KRTAP10-7: variants seen among roughly 807,000 people sequenced by gnomAD.
The protein encoded by KRTAP10-7 is keratin-associated protein 10-7.
For missense variants in KRTAP10-7, 394 were observed against 474.3 expected (o/e 0.83, Z 1.57); for synonymous variants, 162 against 199.6 (o/e 0.81, Z 1.59).
In KRTAP10-7 at chr21:44,600,739, A is replaced by AGCT. The variant is rs1183697381; in HGVS notation, c.124_126dup (p.Cys42dup). On this transcript the variant is annotated inframe_insertion, in exon 1 of 1. Transcript: ENST00000609664. ...CTGGCAGGTGGACGACTGCCCAGAG[A>AGCT]GCTGCTGCGAGCCCCCCTGCTGCGC... is the stretch of plus-strand genomic sequence containing the variant. 2 of 1,610,796 alleles carry AGCT rather than the reference A, an allele frequency of 1.2e-6. No homozygotes were observed. Among genetic ancestry groups the AGCT allele is most frequent in the African/African-American group, 2.7e-5 (2 of 72,884 alleles).
In KRTAP10-7 at chr21:44,601,356, T is replaced by G. The variant is rs1354349678; in HGVS notation, c.735T>G (p.Asp245Glu). The G allele has an allele frequency of 2.5e-6, 4 of 1,610,216 alleles. No individual in the cohort carries two copies. The Admixed American group carries it at 5.0e-5, about 20-fold the overall frequency. ...KPVCCVPTCS[D>E]DSGSCCQPAC... ...TCTGCTGTGTGCCCACCTGCTCTGA[T>G]GATTCCGGTTCATGCTGCCAGCCAG... The change falls in exon 1 of 1, where the codon GAT becomes GAG. Residue 245 changes from aspartate (D) to glutamate (E), a missense_variant. Asp to Glu is a conservative substitution (Grantham distance 45, BLOSUM62 2). Transcript: ENST00000609664.
rs374320547 is a variant in KRTAP10-7, at chr21:44,601,234, A to G, written c.613A>G (p.Thr205Ala). ...PCQSGCISSC[T>A]PSCCQQSSCK... The stretch of plus-strand genomic sequence containing the variant: ...CCAATCAGGCTGCATCAGCTCCTGC[A>G]CGCCCTCGTGCTGCCAGCAGTCTAG... The change falls in exon 1 of 1, where the codon ACG becomes GCG. Residue 205 changes from threonine (T) to alanine (A), a missense_variant. Physicochemically the swap from Thr to Ala is moderately conservative, Grantham distance 58. Transcript: ENST00000609664. The G allele has an allele frequency of 7.5e-6, 12 of 1,595,548 alleles. No homozygotes were observed. The African/African-American group carries it at 1.6e-4, about 21-fold the overall frequency.
At position 44,600,897 on chromosome 21, in the gene KRTAP10-7, G is replaced by A. The variant is rs1555928487; in HGVS notation, c.276G>A (p.Gln92=). Residue 92 remains glutamine (Q), a synonymous_variant, in exon 1 of 1, where the codon CAG becomes CAA. Coordinates refer to ENST00000609664, the MANE Select transcript of KRTAP10-7 (RefSeq NM_198689.3). The part of the protein sequence containing the change: ...TSSCTPSCCQ[Q]SSCQLACCAS... The stretch of plus-strand genomic sequence containing the variant: ...CCTGCACGCCCTCGTGCTGCCAGCA[G>A]TCTAGCTGCCAGCTGGCTTGCTGTG... The A allele has an allele frequency of 6.2e-7, 1 of 1,612,138 alleles. No individual in the cohort carries two copies. The highest frequency in any genetic ancestry group is 8.5e-7 in the Non-Finnish European group (1 of 1,179,908).
In KRTAP10-7 at chr21:44,601,319, G is replaced by T; in HGVS notation, c.698G>T (p.Cys233Phe). The part of the protein sequence containing the change: ...PCQQACCVPV[C>F]CKPVCCVPTC... ...CAGCAGGCCTGCTGTGTGCCTGTCT[G>T]CTGCAAGCCCGTCTGCTGTGTGCCC... The change falls in exon 1 of 1, where the codon TGC becomes TTC. Residue 233 changes from cysteine to phenylalanine, a missense_variant. Coordinates refer to ENST00000609664, the MANE Select transcript of KRTAP10-7 (RefSeq NM_198689.3). The T allele has an allele frequency of 6.2e-7, 1 of 1,611,198 alleles. No homozygotes were observed. The highest frequency in any genetic ancestry group is 1.1e-5 in the South Asian group (1 of 90,772).
rs782068754 is a variant in KRTAP10-7 at position 44,601,498 on chromosome 21, T to C, written c.877T>C (p.Cys293Arg). 7.0e-5 allele frequency: 113 copies of C among 1,612,720 alleles called. No homozygotes were observed. Among genetic ancestry groups the C allele is most frequent in the Non-Finnish European group, 7.0e-5 (83 of 1,179,496 alleles). The change falls in exon 1 of 1, where the codon TGC becomes CGC. Residue 293 changes from cysteine to arginine, a missense_variant. By Grantham distance (180) the Cys-to-Arg change is radical. Transcript: ENST00000609664. ...ASTSCCQQSS[C>R]QPACCTTSCC... ...CACTTCATGCTGCCAGCAGTCTAGCTGCCAGCCGGCTTGCTGCACCACCTC... is the reference window on the plus strand; with the variant it reads ...CACTTCATGCTGCCAGCAGTCTAGCCGCCAGCCGGCTTGCTGCACCACCTC...
chr21:44,601,630 G>A lies in KRTAP10-7; in HGVS notation c.1009G>A (p.Ala337Thr), dbSNP rs782266609. 1.2e-6 allele frequency: 2 copies of A among 1,613,394 alleles called. No homozygotes were observed. The highest frequency in any genetic ancestry group is 8.5e-7 in the Non-Finnish European group (1 of 1,179,670). Residue 337 changes from alanine to threonine, a missense_variant, in exon 1 of 1, where the codon GCC becomes ACC. Ala to Thr is a moderately conservative substitution (Grantham distance 58, BLOSUM62 0). Coordinates refer to ENST00000609664, the MANE Select transcript of KRTAP10-7 (RefSeq NM_198689.3). ...SCCAPTSSCQ[A>T]SCCRPASCVS... The stretch of plus-strand genomic sequence containing the variant: ...CTGCGCCCCCACCTCCTCCTGCCAG[G>A]CCAGCTGCTGCCGCCCAGCCTCCTG...
At position 44,601,237 on chromosome 21, in the gene KRTAP10-7, C is replaced by T; in HGVS notation, c.616C>T (p.Pro206Ser). The part of the protein sequence containing the change: ...CQSGCISSCT[P>S]SCCQQSSCKP... ...ATCAGGCTGCATCAGCTCCTGCACGCCCTCGTGCTGCCAGCAGTCTAGCTG... is the reference window on the plus strand; with the variant it reads ...ATCAGGCTGCATCAGCTCCTGCACGTCCTCGTGCTGCCAGCAGTCTAGCTG... The change falls in exon 1 of 1, where the codon CCC becomes TCC. Residue 206 changes from proline (P) to serine (S), a missense_variant. By Grantham distance (74) the Pro-to-Ser change is moderately conservative. Transcript: ENST00000609664. 1 of 1,601,404 alleles carries T rather than the reference C, an allele frequency of 6.2e-7. No homozygotes were observed. The highest frequency in any genetic ancestry group is 8.5e-7 in the Non-Finnish European group (1 of 1,177,020).
chr21:44,600,650 C>G lies in KRTAP10-7; in HGVS notation c.29C>G (p.Ser10Cys), dbSNP rs1555928353. 1 of 1,613,632 alleles carries G rather than the reference C, an allele frequency of 6.2e-7. No homozygotes were observed. Among genetic ancestry groups the G allele is most frequent in the African/African-American group, 1.3e-5 (1 of 74,856 alleles). ...GCTGCGTCCACTATGTCTGTCTGCT[C>G]CAGCGACCTGAGCTACGGCAGCCGC... MAASTMSVCSSDLSYGSRVC... is the reference protein window; with the variant it reads MAASTMSVCCSDLSYGSRVC... Residue 10 changes from serine (S) to cysteine (C), a missense_variant, in exon 1 of 1, where the codon TCC (serine) becomes TGC (cysteine). Transcript: ENST00000609664.
rs372616312 is a variant in KRTAP10-7, at chr21:44,600,655, G to A, written c.34G>A (p.Asp12Asn). Residue 12 changes from aspartate to asparagine, a missense_variant, in exon 1 of 1, where the codon GAC becomes AAC. Physicochemically the swap from Asp to Asn is conservative, Grantham distance 23. Transcript: ENST00000609664. The part of the protein sequence containing the change: ...AASTMSVCSS[D>N]LSYGSRVCLP... The stretch of plus-strand genomic sequence containing the variant: ...GTCCACTATGTCTGTCTGCTCCAGC[G>A]ACCTGAGCTACGGCAGCCGCGTCTG... 3.3e-5 allele frequency: 53 copies of A among 1,613,616 alleles called. 1 individual carries two copies. The African/African-American group carries it at 5.1e-4, about 15-fold the overall frequency.
In KRTAP10-7 at chr21:44,602,151, A is replaced by G. The variant is rs1980983335; in HGVS notation, c.*417A>G. The G allele has an allele frequency of 3.9e-6, 1 of 254,548 alleles. No homozygotes were observed. The highest frequency in any genetic ancestry group is 9.4e-5 in the South Asian group (1 of 10,692). 15.8% of individuals were successfully genotyped at this position (254,548 alleles called of 1,614,324 possible). ...CCACGGGAGCAGGTCAGACCCTTCT[A>G]ATAAACTCCTTTCCTAAAAAGTACA... On this transcript the variant is annotated 3_prime_UTR_variant, in exon 1 of 1. Transcript: ENST00000609664.
rs2146150033 is a variant in KRTAP10-7, at chr21:44,601,453, C to A, written c.832C>A (p.Pro278Thr). The A allele has an allele frequency of 1.2e-6, 2 of 1,611,482 alleles. No individual in the cohort carries two copies. The highest frequency in any genetic ancestry group is 1.7e-6 in the Non-Finnish European group (2 of 1,178,986). The change falls in exon 1 of 1, where the codon CCC becomes ACC. Residue 278 changes from proline to threonine, a missense_variant. Physicochemically the swap from Pro to Thr is conservative, Grantham distance 38. Transcript: ENST00000609664. The part of the protein sequence containing the change: ...PVCCKPVCCV[P>T]VCSGASTSCC... ...CTGCTGTAAGCCTGTGTGCTGTGTGCCCGTCTGCTCTGGGGCTTCCACTTC... is the reference window on the plus strand; with the variant it reads ...CTGCTGTAAGCCTGTGTGCTGTGTGACCGTCTGCTCTGGGGCTTCCACTTC...
chr21:44,600,852 C>T lies in KRTAP10-7; in HGVS notation c.231C>T (p.Cys77=), dbSNP rs782489979. The change falls in exon 1 of 1, where the codon TGC becomes TGT. Residue 77 remains cysteine (C), a synonymous_variant. Coordinates refer to ENST00000609664, the MANE Select transcript of KRTAP10-7 (RefSeq NM_198689.3). ...CCRVTCEPSP[C]QSGCTSSCTP... Reference sequence around the variant, plus strand: ...GAGTGACCTGTGAGCCCAGCCCCTGCCAATCAGGCTGCACCAGCTCCTGCA... The same window carrying T: ...GAGTGACCTGTGAGCCCAGCCCCTGTCAATCAGGCTGCACCAGCTCCTGCA... The T allele has an allele frequency of 1.9e-5, 31 of 1,609,582 alleles. No individual in the cohort carries two copies. The highest frequency in any genetic ancestry group is 2.5e-5 in the Non-Finnish European group (30 of 1,179,724).
At position 44,601,660 on chromosome 21, in the gene KRTAP10-7, T is replaced by C. The variant is rs373591799; in HGVS notation, c.1039T>C (p.Ser347Pro). The change falls in exon 1 of 1, where the codon TCT becomes CCT. Residue 347 changes from serine to proline, a missense_variant. By Grantham distance (74) the Ser-to-Pro change is moderately conservative. Transcript: ENST00000609664. ...ASCCRPASCV[S>P]LLCRPACSRP... is the part of the protein sequence containing the mutation. ...CTGCTGCCGCCCAGCCTCCTGTGTG[T>C]CTCTCCTTTGCCGCCCCGCATGCTC... 9.6e-5 allele frequency: 155 copies of C among 1,612,896 alleles called. No individual in the cohort carries two copies. The highest frequency in any genetic ancestry group is 1.2e-4 in the Non-Finnish European group (138 of 1,179,390).
Position 44,601,095 on chromosome 21 carries a change from C to A in KRTAP10-7, c.474C>A (p.Pro158=). ...CCTGCCAGCAGGCCTGCTGTGTGCC[C>A]ATCTGCTGCAAGCCTGTCTGCTCTG... ...SSPCQQACCV[P]ICCKPVCSGI... The change falls in exon 1 of 1, where the codon CCC becomes CCA. Residue 158 remains proline, a synonymous_variant. Transcript: ENST00000609664. 6.2e-7 allele frequency: 1 copy of A among 1,602,698 alleles called. No homozygotes were observed. The highest frequency in any genetic ancestry group is 1.1e-5 in the South Asian group (1 of 90,592).
Position 44,602,138 on chromosome 21 carries a change from G to A in KRTAP10-7, c.*404G>A, listed in dbSNP as rs1601473457. On this transcript the variant is annotated 3_prime_UTR_variant, in exon 1 of 1. Coordinates refer to ENST00000609664, the MANE Select transcript of KRTAP10-7 (RefSeq NM_198689.3). ...CTGTCTTCCCTGACCACGGGAGCAGGTCAGACCCTTCTAATAAACTCCTTT... is the reference window on the plus strand; with the variant it reads ...CTGTCTTCCCTGACCACGGGAGCAGATCAGACCCTTCTAATAAACTCCTTT... 1.0e-5 allele frequency: 3 copies of A among 290,510 alleles called. No individual in the cohort carries two copies. In the East Asian group the frequency reaches 2.2e-4, roughly 21 times the overall value. 18.0% of individuals were successfully genotyped at this position (290,510 alleles called of 1,614,324 possible).
rs782497571 is a variant in KRTAP10-7 at position 44,601,100 on chromosome 21, G to A, written c.479G>A (p.Cys160Tyr). The change falls in exon 1 of 1, where the codon TGC becomes TAC. Residue 160 changes from cysteine to tyrosine, a missense_variant. Coordinates refer to ENST00000609664, the MANE Select transcript of KRTAP10-7 (RefSeq NM_198689.3). ...PCQQACCVPI[C>Y]CKPVCSGISS... ...CAGCAGGCCTGCTGTGTGCCCATCTGCTGCAAGCCTGTCTGCTCTGGGATT... is the reference window on the plus strand; with the variant it reads ...CAGCAGGCCTGCTGTGTGCCCATCTACTGCAAGCCTGTCTGCTCTGGGATT... The A allele has an allele frequency of 1.9e-6, 3 of 1,609,600 alleles. No homozygotes were observed. Among genetic ancestry groups the A allele is most frequent in the Non-Finnish European group, 2.5e-6 (3 of 1,179,382 alleles).
rs781902511 is a variant in KRTAP10-7, at chr21:44,600,685, C to A, written c.64C>A (p.Pro22Thr). 36 of 1,613,666 alleles carry A rather than the reference C, an allele frequency of 2.2e-5. No individual in the cohort carries two copies. The East Asian group carries it at 7.8e-4, about 35-fold the overall frequency. Residue 22 changes from proline to threonine, a missense_variant, in exon 1 of 1, where the codon CCT (proline) becomes ACT (threonine). By Grantham distance (38) the Pro-to-Thr change is conservative. Transcript: ENST00000609664. ...DLSYGSRVCL[P>T]GSCDSCSDSW... Reference sequence around the variant, plus strand: ...GAGCTACGGCAGCCGCGTCTGCCTTCCTGGTTCCTGTGACTCTTGCTCCGA... The same window carrying A: ...GAGCTACGGCAGCCGCGTCTGCCTTACTGGTTCCTGTGACTCTTGCTCCGA...
rs782055255 is a variant in KRTAP10-7, at chr21:44,600,932, C to T, written c.311C>T (p.Pro104Leu). 1.9e-6 allele frequency: 3 copies of T among 1,611,996 alleles called. No individual in the cohort carries two copies. Among genetic ancestry groups the T allele is most frequent in the African/African-American group, 2.7e-5 (2 of 73,820 alleles). The change falls in exon 1 of 1, where the codon CCC becomes CTC. Residue 104 changes from proline (P) to leucine (L), a missense_variant. By Grantham distance (98) the Pro-to-Leu change is moderately conservative. Coordinates refer to ENST00000609664, the MANE Select transcript of KRTAP10-7 (RefSeq NM_198689.3). ...SCQLACCASS[P>L]CQQACCVPVC... is the part of the protein sequence containing the mutation. ...CAGCTGGCTTGCTGTGCCTCCTCCC[C>T]CTGCCAGCAGGCCTGCTGCGTGCCC... is the stretch of plus-strand genomic sequence containing the variant.
In KRTAP10-7 at chr21:44,600,617, C is replaced by G. The variant is rs782738565; in HGVS notation, c.-5C>G. The G allele has an allele frequency of 5.0e-6, 8 of 1,610,670 alleles. No individual in the cohort carries two copies. The African/African-American group carries it at 8.0e-5, about 16-fold the overall frequency. On this transcript the variant is annotated 5_prime_UTR_variant, in exon 1 of 1. Coordinates refer to ENST00000609664, the MANE Select transcript of KRTAP10-7 (RefSeq NM_198689.3). Reference sequence around the variant, plus strand: ...ACTCCCATCTCCTCCAGTTCAATCCCCAGCATGGCTGCGTCCACTATGTCT... The same window carrying G: ...ACTCCCATCTCCTCCAGTTCAATCCGCAGCATGGCTGCGTCCACTATGTCT...
Sources: allele counts gnomAD v4.1 joint callset, GRCh38; gene constraint gnomAD v4.1.1; transcripts MANE v1.5; gene names NCBI Gene and HGNC (gene_info 2026-07-23, HGNC 2026-07-21).